Variants in PTPN4 observed in about 807,000 individuals in gnomAD.
PTPN4 encodes tyrosine-protein phosphatase non-receptor type 4.
A neutral mutation model predicts 135.5 loss-of-function variants in PTPN4; 49 were observed. The observed-to-expected ratio is 0.36, with a 90% CI of 0.29 to 0.46. The LOEUF is 0.46. PTPN4 is among the 20% of genes least tolerant of loss of function. The pLI is 1.00. For missense variants in PTPN4, 860 were observed against 1,101.0 expected (o/e 0.78, Z 3.10); for synonymous variants, 333 against 369.9 (o/e 0.90, Z 1.14).
At chr2:119,902,839 G>T (rs1678426001) in intron 10 of PTPN4, among the ~76,000 whole-genome samples, 1 of 152,184 alleles carries the variant, frequency 6.6e-6, no homozygotes, top group South Asian at 2.1e-4. Flanking sequence ...CTAGCATAGG[G>T]AGCTGCCTGA....
At chr2:119,810,627 C>T (rs1250846046) in intron 2 of PTPN4, among the ~76,000 whole-genome samples, 1 of 152,124 alleles carries the variant, frequency 6.6e-6, no homozygotes, top group East Asian at 1.9e-4. Context: ...ACTTTGGGCT[C>T]TTACAAATAA....
chr2:119,841,814 A>G (rs1378296332), intron 2 of PTPN4, among the ~76,000 whole-genome samples: 1 of 152,184 alleles, frequency 6.6e-6, no homozygotes, highest in East Asian at 1.9e-4. Flanking sequence ...TGGAAAAATA[A>G]CATTATTGAT....
chr2:119,823,649 A>G (rs1021463755), intron 2 of PTPN4, among the ~76,000 whole-genome samples: 1 of 152,278 alleles, frequency 6.6e-6, no homozygotes, highest in South Asian at 2.1e-4. Context: ...TCTAGTTTGG[A>G]TATCTTTCCA....
At chr2:119,820,942 C>T (rs965214602) in intron 2 of PTPN4, among the ~76,000 whole-genome samples, 1 of 151,446 alleles carries the variant, frequency 6.6e-6, no homozygotes, top group African/African-American at 2.4e-5. Flanking sequence ...TACATGTATG[C>T]ACACATAGCA....
At chr2:119,874,568 A>G (rs958842210) in intron 3 of PTPN4, among the ~76,000 whole-genome samples, 2 of 152,182 alleles carry the variant, frequency 1.3e-5, no homozygotes, top group Non-Finnish European at 2.9e-5. Context: ...AAACAGGTAA[A>G]TTTGTAGAGA....
intron 10 of PTPN4, among the ~76,000 whole-genome samples, chr2:119,908,209 C>T (rs948227641): frequency 1.3e-5 from 2 of 152,120 alleles, no homozygotes; most frequent in African/African-American, 4.8e-5. Context: ...CAACAAGGGC[C>T]TGGTATCCAG....
intron 20 of PTPN4, among the ~76,000 whole-genome samples, chr2:119,956,466 A>AT (rs1362681618): frequency 6.6e-6 from 1 of 152,186 alleles, no homozygotes; most frequent in Non-Finnish European, 1.5e-5. Flanking sequence ...GTGTTTAACT[A>AT]TAAAACATTT....
chr2:119,957,335 C>T (rs977867278), intron 22 of PTPN4, among the ~76,000 whole-genome samples: 2 of 152,116 alleles, frequency 1.3e-5, no homozygotes, highest in Non-Finnish European at 2.9e-5. Flanking sequence ...CCTTTTAGAT[C>T]ATTGGAGATA....
chr2:119,944,653 T>C (rs1679107485), intron 15 of PTPN4, among the ~76,000 whole-genome samples: 1 of 152,204 alleles, frequency 6.6e-6, no homozygotes, highest in Admixed American at 6.5e-5. Context: ...AATCGTATTT[T>C]ATTTCTAAAT....
rs746020839 is a variant in PTPN4 at position 119,913,712 on chromosome 2, G to A, written c.765-1467G>A. Reference sequence around the variant, plus strand: ...ACCTCTGATGTCAAGTGAAAAATGCGTAGTATGTCTAATGATTTATTAACT... The same window carrying A: ...ACCTCTGATGTCAAGTGAAAAATGCATAGTATGTCTAATGATTTATTAACT... On this transcript the variant is annotated intron_variant, in intron 10 of 26. Transcript: ENST00000263708. Among the ~76,000 whole-genome samples, 8 of 152,156 alleles carry A rather than the reference G, an allele frequency of 5.3e-5. No homozygotes were observed. In the South Asian group the frequency reaches 6.2e-4, roughly 12 times the overall value.
chr2:119,827,813 G>A (rs1214156614), intron 2 of PTPN4, among the ~76,000 whole-genome samples: 1 of 152,134 alleles, frequency 6.6e-6, no homozygotes, highest in African/African-American at 2.4e-5. Flanking sequence ...TTTATAGGTT[G>A]TAATTATAAG....
chr2:119,955,094 TC>T, intron 19 of PTPN4, 62 bp from the exon 20 acceptor site: 5 of 1,400,198 alleles, frequency 3.6e-6, no homozygotes, highest in South Asian at 1.4e-5. Context: ...TCTGGTAAAT[TC>T]CTATCGTGTG....
Position 119,972,981 on chromosome 2 carries a change from C to T in PTPN4, c.2695-4003C>T, listed in dbSNP as rs529141640. Among the ~76,000 whole-genome samples, 38 of 152,020 alleles carry T rather than the reference C, an allele frequency of 2.5e-4. No individual in the cohort carries two copies. In the South Asian group the frequency reaches 7.9e-3, roughly 32 times the overall value. The stretch of plus-strand genomic sequence containing the variant: ...TTTCTTGAGGTCTTATATCTATATT[C>T]TTACATAATAGGATTTTTAAAAAGA... On this transcript the variant is annotated intron_variant, in intron 26 of 26. Coordinates refer to ENST00000263708, the MANE Select transcript of PTPN4 (RefSeq NM_002830.4).
intron 3 of PTPN4, among the ~76,000 whole-genome samples, chr2:119,869,525 C>T (rs1677879113): frequency 2.0e-5 from 3 of 152,172 alleles, no homozygotes; most frequent in Admixed American, 1.3e-4. Context: ...AATCCTCTTT[C>T]TGAGTTCTCC....
At chr2:119,853,487 C>A (rs1363678019) in intron 2 of PTPN4, among the ~76,000 whole-genome samples, 2 of 151,876 alleles carry the variant, frequency 1.3e-5, no homozygotes, top group African/African-American at 4.8e-5. Context: ...TTATAATGTA[C>A]ATTAAAAATT....
chr2:119,977,261 A>AT lies in PTPN4; in HGVS notation c.*194dup. 1 of 887,792 alleles carries AT rather than the reference A, an allele frequency of 1.1e-6. No homozygotes were observed. The highest frequency in any genetic ancestry group is 1.5e-6 in the Non-Finnish European group (1 of 661,766). 55.0% of individuals were successfully genotyped at this position (887,792 alleles called of 1,614,324 possible). ...CTCTTTCAAAATCTATAACTCATGT[A>AT]TTTGAAGACTGTTTCATGCTTTGCT... On this transcript the variant is annotated 3_prime_UTR_variant, in exon 27 of 27. Coordinates refer to ENST00000263708, the MANE Select transcript of PTPN4 (RefSeq NM_002830.4).
intron 2 of PTPN4, among the ~76,000 whole-genome samples, chr2:119,851,885 G>T (rs987929258): frequency 6.6e-6 from 1 of 152,194 alleles, no homozygotes; most frequent in South Asian, 2.1e-4. Context: ...GGTGGATGGG[G>T]AGAGCCCTCT....
At chr2:119,877,208 G>A (rs1050758430) in intron 3 of PTPN4, 115 bp from the exon 4 acceptor site, 7 of 1,114,692 alleles carry the variant, frequency 6.3e-6, no homozygotes, top group Non-Finnish European at 7.6e-6. Context: ...TCCTACCTGG[G>A]CCTTTTCTGA....
chr2:119,844,751 C>G (rs1191442992), intron 2 of PTPN4, among the ~76,000 whole-genome samples: 2 of 142,422 alleles, frequency 1.4e-5, no homozygotes, highest in East Asian at 2.1e-4. Flanking sequence ...CGGGCGGAGA[C>G]GCTCCTCACT....
Sources: gnomAD v4.1 joint callset for allele counts (sites outside exome capture counted in the v4.1 genomes callset) on GRCh38, gnomAD v4.1.1 for gene constraint, MANE v1.5 for transcripts, NCBI Gene and HGNC (gene_info 2026-07-23, HGNC 2026-07-21) for gene names.